FGF12: variants seen among roughly 807,000 people sequenced by gnomAD.
The protein encoded by FGF12 is fibroblast growth factor 12B.
In FGF12, 14 loss-of-function variants were observed where a neutral mutation model predicts 23.6. The observed-to-expected ratio is 0.59, with a 90% CI of 0.39 to 0.93. The LOEUF is 0.93. Among genes scored for constraint, FGF12 ranks in the 40% least tolerant of loss-of-function variants. The pLI, the probability that FGF12 is intolerant of heterozygous loss-of-function variation, is 0.00. For synonymous variants in FGF12, 62 were observed against 77.3 expected (o/e 0.80, Z 1.04); for missense variants, 175 against 217.8 (o/e 0.80, Z 1.24).
chr3:192,502,846 C>T (rs1474252376), intron 2 of FGF12, among the ~76,000 whole-genome samples: 1 of 152,196 alleles, frequency 6.6e-6, no homozygotes, highest in South Asian at 2.1e-4. Context: ...AGAGAGAAGA[C>T]GAAGAGGCTC....
chr3:192,601,876 CAAAAG>C (rs745958133), intron 2 of FGF12, among the ~76,000 whole-genome samples: 27 of 151,960 alleles, frequency 1.8e-4, no homozygotes, highest in Non-Finnish European at 3.2e-4. Context: ...ATAAGGAAAA[CAAAAG>C]AAGTCTGTAC....
intron 2 of FGF12, among the ~76,000 whole-genome samples, chr3:192,692,620 C>T (rs1420964402): frequency 6.6e-6 from 1 of 151,106 alleles, no homozygotes; most frequent in African/African-American, 2.4e-5. Flanking sequence ...CTGGGAGGAT[C>T]ACTTGAGCCT....
At chr3:192,270,685 C>T (rs763888405) in intron 4 of FGF12, among the ~76,000 whole-genome samples, 2 of 151,540 alleles carry the variant, frequency 1.3e-5, no homozygotes, top group African/African-American at 2.4e-5. Flanking sequence ...ACTTACATAA[C>T]CCATATATTC....
At chr3:192,406,871 C>G (rs1384664638) in intron 2 of FGF12, among the ~76,000 whole-genome samples, 2 of 152,200 alleles carry the variant, frequency 1.3e-5, no homozygotes, top group African/African-American at 4.8e-5. Flanking sequence ...TGCTGGAAAC[C>G]AACAGCACGC....
chr3:192,671,182 T>C (rs1246097392), intron 2 of FGF12, among the ~76,000 whole-genome samples: 1 of 152,182 alleles, frequency 6.6e-6, no homozygotes, highest in African/African-American at 2.4e-5. Flanking sequence ...AGTAAAGGAA[T>C]TTAGATTATC....
intron 3 of FGF12, among the ~76,000 whole-genome samples, chr3:192,345,404 TAGGCCGGGCGCGGTGG>T (rs1717906050): frequency 1.9e-5 from 2 of 106,614 alleles, no homozygotes; most frequent in Non-Finnish European, 3.3e-5. Flanking sequence ...AGATATAACA[TAGGCCGGGCGCGGTGG>T]CTCACGCCTG....
chr3:192,558,759 C>T (rs1711894084), intron 2 of FGF12, among the ~76,000 whole-genome samples: 1 of 151,744 alleles, frequency 6.6e-6, no homozygotes, highest in Non-Finnish European at 1.5e-5. Flanking sequence ...ATATATAGAT[C>T]AATGGAATAG....
At chr3:192,558,832 C>T (rs774839495) in intron 2 of FGF12, among the ~76,000 whole-genome samples, 1 of 151,732 alleles carries the variant, frequency 6.6e-6, no homozygotes, top group Non-Finnish European at 1.5e-5. Flanking sequence ...GACATAAGTG[C>T]CAAGACTACA....
At chr3:192,373,466 A>C (rs1719334929) in intron 2 of FGF12, among the ~76,000 whole-genome samples, 1 of 152,170 alleles carries the variant, frequency 6.6e-6, no homozygotes, top group Non-Finnish European at 1.5e-5. Context: ...AAATGGAGAA[A>C]ACATTTTTAA....
intron 4 of FGF12, chr3:192,238,528 G>C (rs1719426761): frequency 6.6e-6 from 1 of 152,146 alleles, no homozygotes; most frequent in Non-Finnish European, 1.5e-5. Context: ...CCAAGTTTCA[G>C]TTTTGTTAAC....
chr3:192,585,664 G>C (rs1490345666), intron 2 of FGF12, among the ~76,000 whole-genome samples: 1 of 151,998 alleles, frequency 6.6e-6, no homozygotes, highest in Non-Finnish European at 1.5e-5. Flanking sequence ...TTCCTGCTCA[G>C]CCTTATCTTG....
intron 3 of FGF12, among the ~76,000 whole-genome samples, chr3:192,338,626 C>T (rs1191104219): frequency 4.6e-5 from 7 of 152,100 alleles, no homozygotes; most frequent in South Asian, 2.1e-4. Flanking sequence ...AGGACTACTC[C>T]CCAGCGGGTG....
At chr3:192,688,448 G>T (rs75001325) in intron 2 of FGF12, among the ~76,000 whole-genome samples, 7,417 of 152,286 alleles carry the variant, frequency 0.049, 344 homozygotes, top group East Asian at 0.2. Context: ...TGCTACATTT[G>T]TAAGGCTTTG....
In FGF12 at chr3:192,514,523, C is replaced by T. The variant is rs1296745224; in HGVS notation, c.14-153985G>A. The stretch of plus-strand genomic sequence containing the variant: ...CACAGACAGAACCAGCGGAGGGGCC[C>T]TGACCTCGCCCCAGTCGGGAAACGC... On this transcript the variant is annotated intron_variant, in intron 2 of 5. Coordinates refer to ENST00000445105, the MANE Select transcript of FGF12 (RefSeq NM_004113.6). This position sits in a 1 kb window ranked among gnomAD's most constrained non-coding sequence, Gnocchi z 4.9. 5.0e-6 allele frequency: 1 copy of T among 198,554 alleles called. No individual in the cohort carries two copies. The highest frequency in any genetic ancestry group is 2.4e-5 in the African/African-American group (1 of 42,268). 12.3% of individuals were successfully genotyped at this position (198,554 alleles called of 1,614,324 possible). A position where few individuals can be genotyped will look rare whatever the true frequency, so the allele number is the denominator to read the frequency against.
chr3:192,207,482 C>G (rs1324554636), intron 4 of FGF12, among the ~76,000 whole-genome samples: 1 of 152,162 alleles, frequency 6.6e-6, no homozygotes, highest in East Asian at 1.9e-4. Context: ...AGTTGTTGGA[C>G]ACGGAGCGAT....
At chr3:192,512,775 T>C (rs1031630986) in intron 2 of FGF12, among the ~76,000 whole-genome samples, 7 of 144,454 alleles carry the variant, frequency 4.8e-5, no homozygotes, top group Non-Finnish European at 1.1e-4. Context: ...TAAAAATGCA[T>C]ATATAAATAA....
chr3:192,653,800 C>T (rs139044933), intron 2 of FGF12, among the ~76,000 whole-genome samples: 2,949 of 151,532 alleles, frequency 0.019, 98 homozygotes, highest in African/African-American at 0.067. Context: ...CTGCAACCTC[C>T]GCCTCCCCAG....
At position 192,552,583 on chromosome 3, in the gene FGF12, C is replaced by T. The variant is rs79581246; in HGVS notation, c.13+174598G>A. ...GAAAAAAGATGAAAGATGATGGACT[C>T]TTCATCAGAAAAGTAAATACAGGCC... On this transcript the variant is annotated intron_variant, in intron 2 of 5. Transcript: ENST00000445105. Among the ~76,000 whole-genome samples the T allele has an allele frequency of 9.1e-3, 1,387 of 152,102 alleles. 25 individuals carry two copies. The highest frequency in any genetic ancestry group is 0.032 in the African/African-American group (1,322 of 41,490).
At chr3:192,442,113 G>C (rs895662677) in intron 2 of FGF12, among the ~76,000 whole-genome samples, 2 of 152,226 alleles carry the variant, frequency 1.3e-5, no homozygotes, top group African/African-American at 2.4e-5. Context: ...AGAGGACAGA[G>C]GACCTGTAGT....
Sources: allele counts gnomAD v4.1 joint callset (sites outside exome capture counted in the v4.1 genomes callset), GRCh38; gene constraint gnomAD v4.1.1; non-coding constraint Gnocchi (gnomAD v3.1); transcripts MANE v1.5; gene names NCBI Gene and HGNC (gene_info 2026-07-23, HGNC 2026-07-21).